SPAG7: variants seen among roughly 807,000 people sequenced by gnomAD.
SPAG7 encodes sperm associated antigen 7, also known as sperm-associated antigen 7.
A neutral mutation model predicts 30.6 loss-of-function variants in SPAG7; 20 were observed. The ratio of observed to expected loss-of-function variants is 0.65; its 90% CI spans 0.46 to 0.95. SPAG7 has a LOEUF of 0.95. SPAG7 is among the 40% of genes least tolerant of loss of function. The probability of loss-of-function intolerance (pLI) is 0.00; values close to 1 mark genes in which losing one functional copy is unlikely to be tolerated. For missense variants in SPAG7, 276 were observed against 291.1 expected, an observed-to-expected ratio of 0.95 and a Z score of 0.38; for synonymous variants, 127 against 104.2, an observed-to-expected ratio of 1.22 and a Z score of -1.33.
intron 1 of SPAG7, among the ~76,000 whole-genome samples, chr17:4,965,562 AG>A (rs1971935828): frequency 6.6e-6 from 1 of 151,954 alleles, no homozygotes; most frequent in Non-Finnish European, 1.5e-5. Flanking sequence ...CCTGGAGGGC[AG>A]GGACCCTGTT....
chr17:4,966,256 G>A (rs1971949554), intron 1 of SPAG7: 1 of 152,276 alleles, frequency 6.6e-6, no homozygotes, highest in East Asian at 1.9e-4. Context: ...GGTATTAAAG[G>A]TGTGAGCTAC....
chr17:4,961,145 A>T (rs928055969), intron 1 of SPAG7, among the ~76,000 whole-genome samples: 3 of 152,184 alleles, frequency 2.0e-5, no homozygotes, highest in Admixed American at 1.3e-4. Flanking sequence ...TTAATTTATA[A>T]ATTAGGCACA....
At position 4,959,563 on chromosome 17, in the gene SPAG7, T is replaced by C. The variant is rs767307307; in HGVS notation, c.655A>G (p.Ser219Gly). The change falls in exon 7 of 7, where the codon AGT becomes GGT. Residue 219 changes from serine to glycine, a missense_variant. Transcript: ENST00000206020. ...GAGGTTGGCGGCAACTCTTCCCCAC[T>C]CTGCCGCAGACGCTTCTTGGCTCTG... ...EIRAKKRLRQSGEELPPTS is the reference protein window; with the variant it reads ...EIRAKKRLRQGGEELPPTS The C allele has an allele frequency of 2.5e-6, 4 of 1,613,854 alleles. No individual in the cohort carries two copies. Among genetic ancestry groups the C allele is most frequent in the Non-Finnish European group, 3.4e-6 (4 of 1,179,966 alleles).
rs370456178 is a variant in SPAG7 at position 4,959,926 on chromosome 17, A to T, written c.418-10T>A. 1 of 1,612,960 alleles carries T rather than the reference A, an allele frequency of 6.2e-7. No homozygotes were observed. Among genetic ancestry groups the T allele is most frequent in the South Asian group, 1.1e-5 (1 of 91,088 alleles). On this transcript the variant is annotated splice_polypyrimidine_tract_variant and intron_variant, in intron 5 of 6. Transcript: ENST00000206020. ...GCCTCTGGGCCAGCTCCTAGGGGTG[A>T]AAGTGGGGGCACTGGTGCTCAGGGC...
chr17:4,959,970 C>T (rs371518262), intron 5 of SPAG7, 52 bp downstream of exon 5: 30 of 1,613,308 alleles, frequency 1.9e-5, no homozygotes, highest in Non-Finnish European at 2.5e-5. Flanking sequence ...AAACCCCCAC[C>T]CCTCCCAGGT....
chr17:4,960,886 G>C lies in SPAG7; in HGVS notation c.86-33C>G, dbSNP rs371676717. The C allele has an allele frequency of 6.2e-6, 10 of 1,601,266 alleles. No individual in the cohort carries two copies. The African/African-American group carries it at 1.1e-4, about 17-fold the overall frequency. On this transcript the variant is annotated intron_variant, in intron 1 of 6. Transcript: ENST00000206020. ...TGAGAAATGGCAACATGAAGCCAGGGCTGGAAGCATGGGTGGGAAAGGTTT... is the reference window on the plus strand; with the variant it reads ...TGAGAAATGGCAACATGAAGCCAGGCCTGGAAGCATGGGTGGGAAAGGTTT...
intron 1 of SPAG7, chr17:4,966,618 G>C: frequency 1.0e-6 from 1 of 985,322 alleles, no homozygotes; most frequent in African/African-American, 1.7e-5. Flanking sequence ...TCTGATCTCG[G>C]CTCACTGCAG....
Position 4,960,224 on chromosome 17 carries a change from G to T in SPAG7, c.327+10C>A, listed in dbSNP as rs1475603505. ...GGGAGAGGAGAGAATGAGGAATTCA[G>T]GCCCTTTACCTTTTTGAAGATCATG... On this transcript the variant is annotated intron_variant, in intron 4 of 6. Coordinates refer to ENST00000206020, the MANE Select transcript of SPAG7 (RefSeq NM_004890.3). 9.9e-6 allele frequency: 16 copies of T among 1,613,440 alleles called. No homozygotes were observed. The highest frequency in any genetic ancestry group is 1.3e-5 in the Non-Finnish European group (15 of 1,179,336).
At chr17:4,965,035 G>C (rs1169325629) in intron 1 of SPAG7, among the ~76,000 whole-genome samples, 1 of 151,928 alleles carries the variant, frequency 6.6e-6, no homozygotes, top group Non-Finnish European at 1.5e-5. Context: ...TCAGCCTCCC[G>C]AGTAGCTGGG....
At chr17:4,967,343 A>G (rs139667619) in intron 1 of SPAG7, 1 of 443,066 alleles carries the variant, frequency 2.3e-6, no homozygotes, top group Non-Finnish European at 3.0e-6. Flanking sequence ...AGATGAAGGC[A>G]CAGTAGATGG....
chr17:4,967,524 C>A (rs1031180565), intron 1 of SPAG7, among the ~76,000 whole-genome samples, 196 bp downstream of exon 1: 11 of 152,072 alleles, frequency 7.2e-5, no homozygotes, highest in African/African-American at 2.7e-4. Flanking sequence ...AGGAGGCTGG[C>A]GCTATCTTTC....
rs540631988 is a variant in SPAG7 at position 4,967,622 on chromosome 17, G to A, written c.85+98C>T. 40 of 899,444 alleles carry A rather than the reference G, an allele frequency of 4.4e-5. No homozygotes were observed. In the African/African-American group the frequency reaches 6.4e-4, roughly 14 times the overall value. 55.7% of individuals were successfully genotyped at this position (899,444 alleles called of 1,614,324 possible). A position where few individuals can be genotyped will look rare whatever the true frequency, so the allele number is the denominator to read the frequency against. The stretch of plus-strand genomic sequence containing the variant: ...AGGGTCTCGGAAGGGGCCTGTGAGG[G>A]GTCTTTCAAGGTTGAGGAGGCGGCA... On this transcript the variant is annotated intron_variant, in intron 1 of 6. Coordinates refer to ENST00000206020, the MANE Select transcript of SPAG7 (RefSeq NM_004890.3).
Position 4,960,076 on chromosome 17 carries a change from G to GT in SPAG7, c.362dup (p.Tyr121Ter). Residue 121 changes from tyrosine (Y) to a stop codon, truncating the protein, a stop_gained and frameshift_variant, in exon 5 of 7, where the codon TAC (tyrosine) becomes TAAC (stop). Coordinates refer to ENST00000206020, the MANE Select transcript of SPAG7 (RefSeq NM_004890.3). LOFTEE classifies it high-confidence loss of function. ...GGGGGTCCCATTCCTCTCCACGACG[G>GT]TAAGAGTCTAGCTCTTCATCTGAGG... ...FAPSDEELDS[Y>*]RRGEEWDPQK... 1 of 1,614,180 alleles carries GT rather than the reference G, an allele frequency of 6.2e-7. No homozygotes were observed. The highest frequency in any genetic ancestry group is 8.5e-7 in the Non-Finnish European group (1 of 1,179,998).
intron 1 of SPAG7, chr17:4,966,829 G>T (rs886530914): frequency 2.0e-6 from 2 of 985,394 alleles, no homozygotes; most frequent in African/African-American, 1.7e-5. Context: ...AGCGGCCCTT[G>T]AATACTTGGA....
At chr17:4,965,230 G>C (rs923365983) in intron 1 of SPAG7, among the ~76,000 whole-genome samples, 1 of 151,520 alleles carries the variant, frequency 6.6e-6, no homozygotes, top group Non-Finnish European at 1.5e-5. Flanking sequence ...TGTATTTTTC[G>C]TAGAGACGAT....
At chr17:4,959,667 G>A (rs12451097) in intron 6 of SPAG7, 24 bp from the exon 7 acceptor site, 106,716 of 1,613,052 alleles carry the variant, frequency 0.066, 6,479 homozygotes, top group East Asian at 0.3. Flanking sequence ...GGAGGGTAGG[G>A]CGGGCCTAGA....
Position 4,967,814 on chromosome 17 carries a change from G to T in SPAG7, c.-10C>A. On this transcript the variant is annotated 5_prime_UTR_variant, in exon 1 of 7. Transcript: ENST00000206020. ...CCAGTAGGTCCGCCATCTTGGGAGT[G>T]ACTGAGAGGGGGCGGTGCGTCTTAA... 1 of 1,602,292 alleles carries T rather than the reference G, an allele frequency of 6.2e-7. No homozygotes were observed. Among genetic ancestry groups the T allele is most frequent in the Non-Finnish European group, 8.6e-7 (1 of 1,169,450 alleles).
intron 1 of SPAG7, among the ~76,000 whole-genome samples, chr17:4,961,494 A>G (rs1971862733): frequency 1.4e-5 from 2 of 146,716 alleles, no homozygotes; most frequent in Non-Finnish European, 3.0e-5. Context: ...AGTGGCTCAC[A>G]CCTGTAATCC....
At chr17:4,967,653 C>T (rs1597717219) in intron 1 of SPAG7, 67 bp downstream of exon 1, 1 of 1,270,362 alleles carries the variant, frequency 7.9e-7, no homozygotes, top group Non-Finnish European at 1.1e-6. Context: ...CGGCATCGTC[C>T]AAAGAGGGAG....
Sources: allele counts gnomAD v4.1 joint callset (sites outside exome capture counted in the v4.1 genomes callset), GRCh38; gene constraint gnomAD v4.1.1; transcripts MANE v1.5; gene names NCBI Gene and HGNC (gene_info 2026-07-23, HGNC 2026-07-21).